The following SERGEF variants were observed in gnomAD, a reference collection of about 807,000 sequenced individuals.
The protein encoded by SERGEF is secretion regulating guanine nucleotide exchange factor.
SERGEF carries 51 observed loss-of-function variants against 50.0 expected under a neutral mutation model. The ratio of observed to expected loss-of-function variants is 1.02; its 90% confidence interval spans 0.81 to 1.29. The LOEUF is 1.29. Ranked by LOEUF, SERGEF falls within the 50% of genes most tolerant of loss-of-function variation. SERGEF has a pLI of 0.00. For missense variants in SERGEF, 521 were observed against 557.0 expected, an observed-to-expected ratio of 0.94 and a Z score of 0.65; for synonymous variants, 205 against 212.4, an observed-to-expected ratio of 0.97 and a Z score of 0.30.
chr11:17,998,968 C>G (rs937233498), intron 5 of SERGEF, among the ~76,000 whole-genome samples: 5 of 152,162 alleles, frequency 3.3e-5, no homozygotes, highest in African/African-American at 9.7e-5. Flanking sequence ...GCAGCCCTAA[C>G]AGATTAGTAC....
intron 10 of SERGEF, among the ~76,000 whole-genome samples, chr11:17,865,064 T>G (rs1018113886): frequency 6.6e-6 from 1 of 152,232 alleles, no homozygotes; most frequent in African/African-American, 2.4e-5. Flanking sequence ...CATGCTATTT[T>G]GTTGACCAAA....
At chr11:17,954,415 A>C (rs1327427779) in intron 9 of SERGEF, among the ~76,000 whole-genome samples, 1 of 152,210 alleles carries the variant, frequency 6.6e-6, no homozygotes, top group Non-Finnish European at 1.5e-5. Flanking sequence ...CAAGCATTCA[A>C]GTGGTATTTC....
intron 9 of SERGEF, among the ~76,000 whole-genome samples, chr11:17,954,755 G>A (rs969680269): frequency 3.3e-5 from 5 of 152,178 alleles, no homozygotes; most frequent in Non-Finnish European, 5.9e-5. Flanking sequence ...TGAACCAAAC[G>A]TGGGCAGAAT....
At chr11:17,935,538 C>T (rs879496183) in intron 9 of SERGEF, among the ~76,000 whole-genome samples, 5 of 152,054 alleles carry the variant, frequency 3.3e-5, no homozygotes, top group African/African-American at 4.8e-5. Context: ...CTGGACAGAA[C>T]CTTAGAGAAC....
chr11:17,963,386 AAAAAAAAAAT>A (rs1172550609), intron 8 of SERGEF, among the ~76,000 whole-genome samples: 9 of 148,738 alleles, frequency 6.1e-5, no homozygotes, highest in African/African-American at 2.3e-4. Flanking sequence ...AAAAAAAAAA[AAAAAAAAAAT>A]TTTTTTTTTG....
chr11:17,927,123 C>T (rs549496504), intron 9 of SERGEF, among the ~76,000 whole-genome samples: 1 of 152,284 alleles, frequency 6.6e-6, no homozygotes, highest in South Asian at 2.1e-4. Context: ...TAAGCAAATT[C>T]TGAAGTCTGA....
intron 10 of SERGEF, among the ~76,000 whole-genome samples, chr11:17,857,164 G>A (rs544308888): frequency 8.5e-5 from 13 of 152,300 alleles, no homozygotes; most frequent in South Asian, 8.3e-4. Context: ...TAAAGTTGCC[G>A]ACGTTCTATC....
intron 9 of SERGEF, among the ~76,000 whole-genome samples, chr11:17,881,152 T>C (rs1359737150): frequency 6.6e-6 from 1 of 152,200 alleles, no homozygotes; most frequent in Admixed American, 6.5e-5. Context: ...AAGCTAGTGT[T>C]CTTTACTGCT....
chr11:17,871,012 T>TA (rs1435993127), intron 10 of SERGEF, among the ~76,000 whole-genome samples: 1 of 152,086 alleles, frequency 6.6e-6, no homozygotes, highest in Non-Finnish European at 1.5e-5. Flanking sequence ...TCTAAATGTT[T>TA]AAAAAAACTA....
chr11:18,012,787 G>GCCAA, intron 1 of SERGEF, 164 bp downstream of exon 1: 10 of 700,252 alleles, frequency 1.4e-5, no homozygotes, highest in African/African-American at 2.1e-5. Flanking sequence ...CCGCCCGCCC[G>GCCAA]CTCCTCCTCC....
chr11:17,821,844 C>T (rs1850091313), intron 10 of SERGEF, among the ~76,000 whole-genome samples: 1 of 152,200 alleles, frequency 6.6e-6, no homozygotes. Flanking sequence ...ATGTGATTTA[C>T]TGCTTCTAAG....
At chr11:17,843,871 T>C (rs531111438) in intron 10 of SERGEF, among the ~76,000 whole-genome samples, 50 of 152,112 alleles carry the variant, frequency 3.3e-4, no homozygotes, top group Non-Finnish European at 6.6e-4. Flanking sequence ...AGGCAAAGGA[T>C]CCTAAAACAT....
intron 6 of SERGEF, 49 bp downstream of exon 6, chr11:17,995,747 T>C (rs1217327774): frequency 2.3e-6 from 3 of 1,282,348 alleles, no homozygotes; most frequent in Non-Finnish European, 3.4e-6. Flanking sequence ...TTTATGTCTC[T>C]ACTTCCTGAC....
intron 9 of SERGEF, among the ~76,000 whole-genome samples, chr11:17,913,347 T>C (rs184090815): frequency 2.1e-3 from 317 of 152,358 alleles, no homozygotes; most frequent in Non-Finnish European, 3.8e-3. Flanking sequence ...CGTCCTGCTA[T>C]GAAGCTACTA....
At chr11:17,810,636 A>G (rs1034509378) in intron 10 of SERGEF, among the ~76,000 whole-genome samples, 2 of 152,140 alleles carry the variant, frequency 1.3e-5, no homozygotes, top group South Asian at 4.1e-4. Context: ...TCACCTGTCC[A>G]TGTCACAGAT....
chr11:17,849,037 A>G (rs1320793654), intron 10 of SERGEF, among the ~76,000 whole-genome samples: 2 of 152,220 alleles, frequency 1.3e-5, no homozygotes, highest in East Asian at 1.9e-4. Flanking sequence ...AGATGAAATA[A>G]TATCTATTCA....
At chr11:17,987,709 C>T (rs1853629874) in intron 8 of SERGEF, among the ~76,000 whole-genome samples, 1 of 152,128 alleles carries the variant, frequency 6.6e-6, no homozygotes, top group Admixed American at 6.5e-5. Context: ...ATGTGACTTA[C>T]CAAGGATAGC....
chr11:17,896,763 G>C lies in SERGEF; in HGVS notation c.1012-18519C>G, dbSNP rs1230348230. ...GAAGGGTAACGGAAGGGTAAGGGAA[G>C]GGAAGGGTAAGGGAAGGGTAAGGGA... is the stretch of plus-strand genomic sequence containing the variant. On this transcript the variant is annotated intron_variant, in intron 9 of 10. Coordinates refer to ENST00000265965, the MANE Select transcript of SERGEF (RefSeq NM_012139.4). Among the ~76,000 whole-genome samples, 867 of 92,538 alleles carry C rather than the reference G, an allele frequency of 9.4e-3. 32 individuals carry two copies. The highest frequency in any genetic ancestry group is 0.014 in the Non-Finnish European group (569 of 41,696). 60.7% of individuals were successfully genotyped at this position (92,538 alleles called of 152,430 possible). A position where few individuals can be genotyped will look rare whatever the true frequency, so the allele number is the denominator to read the frequency against.
chr11:17,899,482 C>T (rs1255874050), intron 9 of SERGEF, among the ~76,000 whole-genome samples: 1 of 151,046 alleles, frequency 6.6e-6, no homozygotes, highest in Non-Finnish European at 1.5e-5. Context: ...TAGAGAGTCT[C>T]AGTGATTTGT....
Sources: gnomAD v4.1 joint callset for allele counts (sites outside exome capture counted in the v4.1 genomes callset) on GRCh38, gnomAD v4.1.1 for gene constraint, MANE v1.5 for transcripts, NCBI Gene and HGNC (gene_info 2026-07-23, HGNC 2026-07-21) for gene names.